ATP9B: variants seen among roughly 807,000 people sequenced by gnomAD.
The protein encoded by ATP9B is ATPase phospholipid transporting 9B.
In ATP9B, 110 loss-of-function variants were observed where a neutral mutation model predicts 146.1. That is an observed-to-expected ratio of 0.75 (90% CI 0.65 to 0.88). ATP9B has a LOEUF of 0.88. ATP9B is among the 40% of genes least tolerant of loss of function. The pLI is 0.00. For synonymous variants in ATP9B, 604 were observed against 569.7 expected (o/e 1.06, Z -0.86); for missense variants, 1,499 against 1,496.4 (o/e 1.00, Z -0.03).
chr18:79,246,794 T>C (rs556191748), intron 11 of ATP9B, among the ~76,000 whole-genome samples: 1 of 152,292 alleles, frequency 6.6e-6, no homozygotes, highest in African/African-American at 2.4e-5. Flanking sequence ...GACAGATGAC[T>C]CTGAGACAGA....
At chr18:79,271,270 G>T (rs1211806027) in intron 12 of ATP9B, among the ~76,000 whole-genome samples, 1 of 151,814 alleles carries the variant, frequency 6.6e-6, no homozygotes, top group Non-Finnish European at 1.5e-5. Context: ...TAAGTTTTAG[G>T]GTACATGTGC....
intron 15 of ATP9B, among the ~76,000 whole-genome samples, chr18:79,327,761 TCTCTGTGGTTAACGTG>T (rs1568700267): frequency 4.5e-5 from 6 of 133,238 alleles, no homozygotes; most frequent in African/African-American, 1.6e-4. Flanking sequence ...GTTAGCGTGC[TCTCTGTGGTTAACGTG>T]CTCTCCGTGG....
intron 25 of ATP9B, among the ~76,000 whole-genome samples, chr18:79,354,985 C>A (rs567998138): frequency 5.9e-4 from 90 of 152,308 alleles, no homozygotes; most frequent in African/African-American, 2.1e-3. Context: ...AAGTGGAGAG[C>A]TGAAAGTGCC....
intron 17 of ATP9B, among the ~76,000 whole-genome samples, chr18:79,332,157 CGGTGGCTTA>C (rs2096793558): frequency 6.6e-6 from 1 of 152,156 alleles, no homozygotes; most frequent in African/African-American, 2.4e-5. Context: ...GGGCTGGGTA[CGGTGGCTTA>C]CGCCTGTAAT....
At chr18:79,196,543 C>G (rs889112230) in intron 9 of ATP9B, among the ~76,000 whole-genome samples, 1 of 152,152 alleles carries the variant, frequency 6.6e-6, no homozygotes, top group African/African-American at 2.4e-5. Context: ...AGCTGACGAG[C>G]TCAATAGTAG....
intron 8 of ATP9B, among the ~76,000 whole-genome samples, 171 bp from the exon 9 acceptor site, chr18:79,193,008 GTTTC>G (rs1568371537): frequency 1.3e-5 from 2 of 152,124 alleles, no homozygotes; most frequent in South Asian, 4.1e-4. Flanking sequence ...CTTAAAAATG[GTTTC>G]TTTCTTTATC....
At chr18:79,288,524 G>A (rs1012672956) in intron 13 of ATP9B, among the ~76,000 whole-genome samples, 3 of 151,904 alleles carry the variant, frequency 2.0e-5, no homozygotes, top group Admixed American at 6.6e-5. Flanking sequence ...ACGTGAGATG[G>A]GTTTCCTGAA....
At chr18:79,142,537 G>T (rs186827058) in intron 5 of ATP9B, among the ~76,000 whole-genome samples, 5 of 152,220 alleles carry the variant, frequency 3.3e-5, no homozygotes, top group African/African-American at 1.2e-4. Flanking sequence ...CTCTACTGCC[G>T]GATGCTTTGC....
intron 7 of ATP9B, chr18:79,174,122 A>G (rs72996104): frequency 0.073 from 27,042 of 372,572 alleles, 1,202 homozygotes; most frequent in Non-Finnish European, 0.096. Flanking sequence ...AGGAAGAATA[A>G]GAAAGAGTAC....
chr18:79,320,165 A>AT (rs2096707201), intron 15 of ATP9B, among the ~76,000 whole-genome samples: 1 of 152,232 alleles, frequency 6.6e-6, no homozygotes, highest in South Asian at 2.1e-4. Context: ...CATTTATTCA[A>AT]GAAATAAGTC....
chr18:79,249,948 C>T (rs2096006906), intron 11 of ATP9B, among the ~76,000 whole-genome samples: 1 of 152,194 alleles, frequency 6.6e-6, no homozygotes, highest in African/African-American at 2.4e-5. Flanking sequence ...ATGCCACCTG[C>T]AAGGCACAGC....
intron 11 of ATP9B, among the ~76,000 whole-genome samples, chr18:79,223,244 T>C (rs1315790403): frequency 6.6e-6 from 1 of 152,194 alleles, no homozygotes; most frequent in African/African-American, 2.4e-5. Flanking sequence ...CAAAGCAGTT[T>C]TGGAGACTAG....
At chr18:79,154,443 G>T in intron 6 of ATP9B, 61 bp from the exon 7 acceptor site, 1 of 1,169,404 alleles carries the variant, frequency 8.6e-7, no homozygotes, top group Non-Finnish European at 1.2e-6. Flanking sequence ...ATTTGGAATG[G>T]AATTGTGTTA....
At chr18:79,236,773 G>T (rs1267722551) in intron 11 of ATP9B, among the ~76,000 whole-genome samples, 2 of 146,512 alleles carry the variant, frequency 1.4e-5, no homozygotes, top group Admixed American at 1.4e-4. Flanking sequence ...GCACGAGTCA[G>T]TGTCCACACC....
rs765757582 is a variant in ATP9B at position 79,135,619 on chromosome 18, C to T, written c.668-8183C>T. Among the ~76,000 whole-genome samples, 137 of 152,164 alleles carry T rather than the reference C, an allele frequency of 9.0e-4. 1 individual carries two copies. Among genetic ancestry groups the T allele is most frequent in the Non-Finnish European group, 3.2e-4 (22 of 68,034 alleles). On this transcript the variant is annotated intron_variant, in intron 5 of 29. Coordinates refer to ENST00000426216, the MANE Select transcript of ATP9B (RefSeq NM_198531.5). ...TTTATTGACTTTGCATCCTTTCTAC[C>T]ATTCCTAGCCCCTTCGATCTTCTAT...
rs115906362 is a variant in ATP9B at position 79,111,974 on chromosome 18, A to G, written c.445-1267A>G. On this transcript the variant is annotated intron_variant, in intron 3 of 29. Transcript: ENST00000426216. ...TAATTTATGCTGAGATTTTAAAGAA[A>G]TCACTAAGGAAAAAGCACTTTATTT... 4.9e-3 allele frequency among the ~76,000 whole-genome samples: 749 copies of G among 152,360 alleles called. 5 individuals carry two copies. Among genetic ancestry groups the G allele is most frequent in the South Asian group, 0.024 (118 of 4,826 alleles).
intron 2 of ATP9B, among the ~76,000 whole-genome samples, chr18:79,103,888 G>A (rs1300321851): frequency 6.6e-6 from 1 of 152,092 alleles, no homozygotes; most frequent in East Asian, 1.9e-4. Context: ...TAGGGGCAGA[G>A]AGTTGACTGC....
At chr18:79,102,970 C>T (rs2075386560) in intron 2 of ATP9B, among the ~76,000 whole-genome samples, 1 of 152,162 alleles carries the variant, frequency 6.6e-6, no homozygotes, top group African/African-American at 2.4e-5. Context: ...TATGTTAGAT[C>T]CTTTATCCTA....
chr18:79,209,295 C>T (rs2095562480), intron 10 of ATP9B, among the ~76,000 whole-genome samples: 1 of 152,240 alleles, frequency 6.6e-6, no homozygotes, highest in Non-Finnish European at 1.5e-5. Flanking sequence ...ATAGTTATTG[C>T]AGCCTGTTTC....
Sources: gnomAD v4.1 joint callset for allele counts (sites outside exome capture counted in the v4.1 genomes callset) on GRCh38, gnomAD v4.1.1 for gene constraint, MANE v1.5 for transcripts, NCBI Gene and HGNC (gene_info 2026-07-23, HGNC 2026-07-21) for gene names.